Variants in BEND5 observed in about 807,000 individuals in gnomAD.
The protein encoded by BEND5 is BEN domain containing 5.
BEND5 carries 22 observed loss-of-function variants against 43.9 expected under a neutral mutation model. The ratio of observed to expected loss-of-function variants is 0.50; its 90% CI spans 0.36 to 0.72. The LOEUF (loss-of-function observed/expected upper bound fraction) is 0.72, where lower values mean the gene tolerates loss of function less well. Among genes scored for constraint, BEND5 ranks in the 30% least tolerant of loss-of-function variants. The pLI, the probability that BEND5 is intolerant of heterozygous loss-of-function variation, is 0.00. For missense variants in BEND5, 428 were observed against 550.6 expected (o/e 0.78, Z 2.23); for synonymous variants, 228 against 225.9 (o/e 1.01, Z -0.08).
chr1:48,754,429 G>A (rs1053425096), intron 3 of BEND5, among the ~76,000 whole-genome samples: 1 of 152,082 alleles, frequency 6.6e-6, no homozygotes, highest in African/African-American at 2.4e-5. Flanking sequence ...TGGAACAAAG[G>A]ATACCCTCGA....
Position 48,754,540 on chromosome 1 carries a change from G to A in BEND5, c.745+4360C>T, listed in dbSNP as rs1318618195. Among the ~76,000 whole-genome samples, 5 of 151,956 alleles carry A rather than the reference G, an allele frequency of 3.3e-5. No individual in the cohort carries two copies. The South Asian group carries it at 6.2e-4, about 19-fold the overall frequency. On this transcript the variant is annotated intron_variant, in intron 3 of 5. Transcript: ENST00000371833. Reference sequence around the variant, plus strand: ...ATGTCACCATGCTTTTTGCATCCTCGGCATTTACTTATTTGGGGGAGGAGG... The same window carrying A: ...ATGTCACCATGCTTTTTGCATCCTCAGCATTTACTTATTTGGGGGAGGAGG...
At chr1:48,755,932 A>G (rs1652471381) in intron 3 of BEND5, among the ~76,000 whole-genome samples, 1 of 152,194 alleles carries the variant, frequency 6.6e-6, no homozygotes, top group Non-Finnish European at 1.5e-5. Context: ...ATATTGTAAG[A>G]GGATACTGAG....
chr1:48,747,741 ATTC>A (rs1264810852), intron 3 of BEND5, among the ~76,000 whole-genome samples: 13 of 152,138 alleles, frequency 8.5e-5, no homozygotes, highest in Admixed American at 5.2e-4. Flanking sequence ...ACCATTTTCT[ATTC>A]TTGTTGTATC....
intron 3 of BEND5, among the ~76,000 whole-genome samples, chr1:48,749,446 G>T (rs1422830929): frequency 6.6e-6 from 1 of 152,156 alleles, no homozygotes; most frequent in Non-Finnish European, 1.5e-5. Context: ...TATTATCTCT[G>T]TAAAGACTCA....
At chr1:48,753,309 A>G (rs952194413) in intron 3 of BEND5, among the ~76,000 whole-genome samples, 1 of 152,206 alleles carries the variant, frequency 6.6e-6, no homozygotes, top group Non-Finnish European at 1.5e-5. Flanking sequence ...GGTTAAACAA[A>G]TGTGTATGAA....
intron 2 of BEND5, among the ~76,000 whole-genome samples, chr1:48,760,458 G>T (rs560229424): frequency 1.3e-5 from 2 of 152,158 alleles, no homozygotes; most frequent in Admixed American, 1.3e-4. Flanking sequence ...TGACAAAATC[G>T]TAAGTCGTTT....
rs142403633 is a variant in BEND5, at chr1:48,742,825, A to T, written c.746-54T>A. The T allele has an allele frequency of 2.3e-4, 334 of 1,429,540 alleles. 1 individual carries two copies. The African/African-American group carries it at 4.3e-3, about 18-fold the overall frequency. The allele number at this position is 1,429,540 out of a possible 1,614,324, so 88.6% of individuals were successfully genotyped here. ...AGAACTCCAAGGAAAATAAAAGGCAAATATTTTTAACTAGGCATCTATCAG... is the reference window on the plus strand; with the variant it reads ...AGAACTCCAAGGAAAATAAAAGGCATATATTTTTAACTAGGCATCTATCAG... On this transcript the variant is annotated intron_variant, in intron 3 of 5. Transcript: ENST00000371833.
At chr1:48,741,412 C>T (rs77183810) in intron 4 of BEND5, among the ~76,000 whole-genome samples, 3,845 of 152,306 alleles carry the variant, frequency 0.025, 161 homozygotes, top group African/African-American at 0.088. Flanking sequence ...TCCAGGCTGC[C>T]GACTTCCAAC....
At chr1:48,767,231 A>G (rs2148678849) in intron 1 of BEND5, among the ~76,000 whole-genome samples, 1 of 152,226 alleles carries the variant, frequency 6.6e-6, no homozygotes, top group South Asian at 2.1e-4. Context: ...CCTGTCTGAG[A>G]CTCAGTTTCA....
chr1:48,743,285 A>G (rs1650219249), intron 3 of BEND5, among the ~76,000 whole-genome samples: 2 of 152,200 alleles, frequency 1.3e-5, no homozygotes, highest in African/African-American at 4.8e-5. Context: ...AAATTAAAAC[A>G]CAATACACAT....
At chr1:48,761,495 G>C in intron 1 of BEND5, 25 bp from the exon 2 acceptor site, 19 of 1,544,340 alleles carry the variant, frequency 1.2e-5, no homozygotes, top group Non-Finnish European at 1.6e-5. Context: ...AAGAGAACAA[G>C]GTTCATCATG....
At chr1:48,754,502 C>T (rs1025558140) in intron 3 of BEND5, among the ~76,000 whole-genome samples, 1 of 152,014 alleles carries the variant, frequency 6.6e-6, no homozygotes, top group Non-Finnish European at 1.5e-5. Context: ...ACATCTGTAC[C>T]TTGTACATTG....
intron 1 of BEND5, among the ~76,000 whole-genome samples, chr1:48,773,438 C>A (rs1470683189): frequency 1.3e-5 from 2 of 151,964 alleles, no homozygotes; most frequent in Admixed American, 6.6e-5. Flanking sequence ...AGAGGGACAG[C>A]CTTAGTGAAG....
At position 48,759,231 on chromosome 1, in the gene BEND5, C is replaced by T; in HGVS notation, c.414G>A (p.Val138=). The T allele has an allele frequency of 6.3e-7, 1 of 1,597,604 alleles. No individual in the cohort carries two copies. The highest frequency in any genetic ancestry group is 8.5e-7 in the Non-Finnish European group (1 of 1,171,722). Residue 138 remains valine (V), a synonymous_variant, in exon 3 of 6, where the codon GTG becomes GTA. Coordinates refer to ENST00000371833, the MANE Select transcript of BEND5 (RefSeq NM_024603.4). ...CGTTCTGCTTCTCTAGCCGAGCCAC[C>T]ACTGCCTCGATGCTCTTGTGCGCCA... ...SEVAHKSIEA[V]VARLEKQNGL...
At chr1:48,752,859 C>T (rs1161291071) in intron 3 of BEND5, among the ~76,000 whole-genome samples, 1 of 152,094 alleles carries the variant, frequency 6.6e-6, no homozygotes, top group Non-Finnish European at 1.5e-5. Context: ...AAGCTATTCT[C>T]CTGCCTCAGC....
intron 1 of BEND5, among the ~76,000 whole-genome samples, chr1:48,762,614 TTGTGTGTGTGTGTGTGTGTGTG>T (rs58396843): frequency 1.3e-5 from 1 of 75,184 alleles, no homozygotes; most frequent in Non-Finnish European, 3.0e-5. Context: ...TTTAAGGGTT[TTGTGTGTGTGTGTGTGTGTGTG>T]TGTGTGTGTG....
At chr1:48,744,398 G>C (rs1650409177) in intron 3 of BEND5, among the ~76,000 whole-genome samples, 1 of 152,202 alleles carries the variant, frequency 6.6e-6, no homozygotes, top group African/African-American at 2.4e-5. Flanking sequence ...TGGAGCATTT[G>C]ATCTTTTCTC....
chr1:48,760,094 C>T (rs565463800), intron 2 of BEND5, among the ~76,000 whole-genome samples: 27 of 152,292 alleles, frequency 1.8e-4, no homozygotes, highest in African/African-American at 6.5e-4. Context: ...AATCTAACTT[C>T]CAGTACAAGG....
intron 1 of BEND5, among the ~76,000 whole-genome samples, chr1:48,765,623 T>C (rs1186016785): frequency 6.6e-6 from 1 of 152,184 alleles, no homozygotes; most frequent in East Asian, 1.9e-4. Context: ...CAAATGTTCA[T>C]AACAGCATTA....
Sources: gnomAD v4.1 joint callset for allele counts (sites outside exome capture counted in the v4.1 genomes callset) on GRCh38, gnomAD v4.1.1 for gene constraint, MANE v1.5 for transcripts, NCBI Gene and HGNC (gene_info 2026-07-23, HGNC 2026-07-21) for gene names.